The following SPTA1 variants were observed in gnomAD, a reference collection of about 807,000 sequenced individuals.
SPTA1 encodes the protein spectrin alpha chain, erythrocytic 1.
SPTA1 carries 177 observed loss-of-function variants against 324.7 expected under a neutral mutation model. That is an observed-to-expected ratio of 0.55 (90% CI 0.48 to 0.62). The LOEUF (loss-of-function observed/expected upper bound fraction) is 0.62. Ranked by LOEUF, SPTA1 falls within the 20% of genes least tolerant of loss-of-function variation. The pLI is 0.00. For missense variants in SPTA1, 3,162 were observed against 2,883.6 expected (o/e 1.10, Z -2.21); for synonymous variants, 1,195 against 1,041.3 (o/e 1.15, Z -2.84).
intron 45 of SPTA1, among the ~76,000 whole-genome samples, chr1:158,618,911 G>A (rs1461326403): frequency 6.6e-6 from 1 of 152,164 alleles, no homozygotes; most frequent in Admixed American, 6.5e-5. Context: ...GTGCAATATG[G>A]CATGTGAACA....
At chr1:158,615,027 CTG>C (rs1324540781) in intron 48 of SPTA1, 187 bp downstream of exon 48, 10 of 654,990 alleles carry the variant, frequency 1.5e-5, no homozygotes, top group Non-Finnish European at 5.2e-6. Flanking sequence ...ATGGAGAGCA[CTG>C]TCTTTTATTT....
chr1:158,654,225 C>T (rs1344041055), intron 21 of SPTA1, among the ~76,000 whole-genome samples: 1 of 152,154 alleles, frequency 6.6e-6, no homozygotes, highest in Non-Finnish European at 1.5e-5. Flanking sequence ...TTTTGGTAGG[C>T]TCCTTCTAAC....
Position 158,611,046 on chromosome 1 carries a change from T to C in SPTA1, c.*218A>G. Reference sequence around the variant, plus strand: ...TAGTTGCATACAAAATAGCTTCCACTCCTCCAACTCTATTAACCTTTCTAT... The same window carrying C: ...TAGTTGCATACAAAATAGCTTCCACCCCTCCAACTCTATTAACCTTTCTAT... On this transcript the variant is annotated 3_prime_UTR_variant, in exon 52 of 52. Coordinates refer to ENST00000643759, the MANE Select transcript of SPTA1 (RefSeq NM_003126.4). 1 of 582,020 alleles carries C rather than the reference T, an allele frequency of 1.7e-6. No homozygotes were observed. Among genetic ancestry groups the C allele is most frequent in the Non-Finnish European group, 3.0e-6 (1 of 332,934 alleles). The allele number at this position is 582,020 out of a possible 1,614,324, so 36.1% of individuals were successfully genotyped here.
At chr1:158,634,786 AG>A in intron 38 of SPTA1, 111 bp from the exon 39 acceptor site, 1 of 1,320,092 alleles carries the variant, frequency 7.6e-7, no homozygotes, top group Non-Finnish European at 1.1e-6. Context: ...CTCACAAGGC[AG>A]CCACAGTTGA....
chr1:158,617,257 C>G (rs1184664186), intron 47 of SPTA1, among the ~76,000 whole-genome samples: 1 of 152,160 alleles, frequency 6.6e-6, no homozygotes, highest in East Asian at 1.9e-4. Flanking sequence ...GTTCCCAAAG[C>G]CTCTCCCACT....
intron 5 of SPTA1, 143 bp from the exon 6 acceptor site, chr1:158,678,677 A>T: frequency 9.5e-7 from 1 of 1,048,856 alleles, no homozygotes; most frequent in Non-Finnish European, 1.4e-6. Flanking sequence ...ACTTCATCAT[A>T]GCCCTCCTCC....
chr1:158,647,823 AG>A lies in SPTA1; in HGVS notation c.3715-104del, dbSNP rs1421487543. 21 of 1,236,122 alleles carry A rather than the reference AG, an allele frequency of 1.7e-5. No homozygotes were observed. The African/African-American group carries it at 3.1e-4, about 18-fold the overall frequency. 76.6% of individuals were successfully genotyped at this position (1,236,122 alleles called of 1,614,324 possible). On this transcript the variant is annotated intron_variant, in intron 26 of 51. Transcript: ENST00000643759. ...GTATTCAGCTCCTCAAATAGATATC[AG>A]TGATGTACAAGTATGTCATCATACT...
At chr1:158,626,788 A>T in intron 41 of SPTA1, 51 bp downstream of exon 41, 1 of 1,610,650 alleles carries the variant, frequency 6.2e-7, no homozygotes, top group African/African-American at 1.3e-5. Flanking sequence ...CATGGATGGG[A>T]TTTATTAGGG....
intron 30 of SPTA1, 87 bp downstream of exon 30, chr1:158,644,166 A>G: frequency 6.5e-7 from 1 of 1,530,012 alleles, no homozygotes; most frequent in East Asian, 2.4e-5. Context: ...CAAAATGTTT[A>G]TAAATTATAA....
At chr1:158,666,194 C>T (rs1653584043) in intron 16 of SPTA1, 122 bp downstream of exon 16, 1 of 877,178 alleles carries the variant, frequency 1.1e-6, no homozygotes. Context: ...AGCATATACA[C>T]CCATTGCTTA....
Position 158,685,324 on chromosome 1 carries a change from C to A in SPTA1, c.48G>T (p.Lys16Asn). 6.2e-7 allele frequency: 1 copy of A among 1,613,554 alleles called. No homozygotes were observed. Among genetic ancestry groups the A allele is most frequent in the Non-Finnish European group, 8.5e-7 (1 of 1,179,778 alleles). Residue 16 changes from lysine to asparagine, a missense_variant, in exon 2 of 52, where the codon AAG (lysine) becomes AAT (asparagine). Transcript: ENST00000643759. ...GGATCTCTTCTGCTGTTTCCAAAAC[C>A]TTTGGCCCACTGCTCTCCACAACCT... ...KETVVESSGP[K>N]VLETAEEIQE...
intron 5 of SPTA1, among the ~76,000 whole-genome samples, chr1:158,679,635 C>A (rs1346597802): frequency 6.6e-6 from 1 of 152,108 alleles, no homozygotes; most frequent in Admixed American, 6.6e-5. Context: ...AGATCCTTCA[C>A]CCCAGCTGAG....
At chr1:158,634,742 G>T (rs1435714869) in intron 38 of SPTA1, 67 bp from the exon 39 acceptor site, 2 of 1,594,086 alleles carry the variant, frequency 1.3e-6, no homozygotes, top group Non-Finnish European at 1.7e-6. Flanking sequence ...GTACAGTGGG[G>T]TGGCACAATC....
intron 1 of SPTA1, among the ~76,000 whole-genome samples, chr1:158,685,994 G>A (rs375667560): frequency 4.9e-4 from 74 of 152,276 alleles, no homozygotes; most frequent in Middle Eastern, 6.8e-3. Flanking sequence ...CAATATATAA[G>A]TATCCTTTTC....
intron 16 of SPTA1, among the ~76,000 whole-genome samples, chr1:158,663,286 T>C (rs1653372671): frequency 6.6e-6 from 1 of 152,238 alleles, no homozygotes; most frequent in Admixed American, 6.5e-5. Flanking sequence ...GGAAGTGTTT[T>C]TCTATCTCAG....
In SPTA1 at chr1:158,685,150, A is replaced by T; in HGVS notation, c.222T>A (p.Asn74Lys). 2 of 1,613,674 alleles carry T rather than the reference A, an allele frequency of 1.2e-6. No homozygotes were observed. Among genetic ancestry groups the T allele is most frequent in the Non-Finnish European group, 1.7e-6 (2 of 1,179,808 alleles). ...CTTCATAGCTCTTATCGGTTAAGAT[A>T]TTGACTTTCTCCATGATCCACTTCC... is the stretch of plus-strand genomic sequence containing the variant. ...DLGKWIMEKV[N>K]ILTDKSYEDP... is the part of the protein sequence containing the mutation. The change falls in exon 2 of 52, where the codon AAT (asparagine) becomes AAA (lysine). Residue 74 changes from asparagine (N) to lysine (K), a missense_variant. Coordinates refer to ENST00000643759, the MANE Select transcript of SPTA1 (RefSeq NM_003126.4).
At chr1:158,653,238 C>A in intron 22 of SPTA1, 36 bp downstream of exon 22, 1 of 1,613,848 alleles carries the variant, frequency 6.2e-7, no homozygotes, top group Non-Finnish European at 8.5e-7. Context: ...AATGTCTGAC[C>A]AAATACTGTT....
chr1:158,613,027 C>T, intron 50 of SPTA1, 66 bp from the exon 51 acceptor site: 1 of 1,553,514 alleles, frequency 6.4e-7, no homozygotes, highest in Non-Finnish European at 8.8e-7. Flanking sequence ...CTTTTTAATC[C>T]TACTCAGTGT....
chr1:158,673,967 T>G (rs569899648), intron 10 of SPTA1, among the ~76,000 whole-genome samples: 1 of 152,342 alleles, frequency 6.6e-6, no homozygotes, highest in East Asian at 1.9e-4. Context: ...TTTTTGCTTA[T>G]TCCCTAAATA....
Sources: allele counts gnomAD v4.1 joint callset (sites outside exome capture counted in the v4.1 genomes callset), GRCh38; gene constraint gnomAD v4.1.1; transcripts MANE v1.5; gene names NCBI Gene and HGNC (gene_info 2026-07-23, HGNC 2026-07-21).